Variants in KIAA1614 observed in about 807,000 individuals in gnomAD.
KIAA1614 encodes the protein KIAA1614, also known as uncharacterized protein KIAA1614.
In KIAA1614, 76 loss-of-function variants were observed where a neutral mutation model predicts 88.7. The ratio of observed to expected loss-of-function variants is 0.86; its 90% CI spans 0.71 to 1.04. KIAA1614 has a LOEUF of 1.04. KIAA1614 is among the 50% of genes least tolerant of loss of function. KIAA1614 has a pLI of 0.00. For missense variants in KIAA1614, 1,553 were observed against 1,582.5 expected, an observed-to-expected ratio of 0.98 and a Z score of 0.32; for synonymous variants, 714 against 675.5, an observed-to-expected ratio of 1.06 and a Z score of -0.88.
intron 6 of KIAA1614, 136 bp from the exon 7 acceptor site, chr1:180,940,909 T>G (rs1654444768): frequency 1.3e-6 from 1 of 747,022 alleles, no homozygotes; most frequent in Non-Finnish European, 2.2e-6. Context: ...AGCCTGGTTG[T>G]TAGTTCCTGG....
intron 3 of KIAA1614, among the ~76,000 whole-genome samples, chr1:180,922,727 C>A (rs1653983740): frequency 6.6e-6 from 1 of 152,216 alleles, no homozygotes; most frequent in African/African-American, 2.4e-5. Context: ...CCTCAAGCCA[C>A]CAGAGCGTGT....
chr1:180,928,725 A>G (rs952416347), intron 4 of KIAA1614, 152 bp downstream of exon 4: 5 of 886,426 alleles, frequency 5.6e-6, no homozygotes, highest in African/African-American at 5.2e-5. Flanking sequence ...TGCTTTGATT[A>G]TTTAGTCAGT....
intron 5 of KIAA1614, among the ~76,000 whole-genome samples, chr1:180,937,095 T>C (rs1292585639): frequency 6.6e-6 from 1 of 152,278 alleles, no homozygotes; most frequent in Admixed American, 6.5e-5. Context: ...GAACAGTAGA[T>C]GTCCACTAAT....
rs1654579148 is a variant in KIAA1614 at position 180,945,841 on chromosome 1, A to G, written c.*253A>G. The G allele has an allele frequency of 8.0e-6, 10 of 1,254,524 alleles. No homozygotes were observed. Among genetic ancestry groups the G allele is most frequent in the Middle Eastern group, 3.0e-4 (1 of 3,292 alleles). 77.7% of individuals were successfully genotyped at this position (1,254,524 alleles called of 1,614,324 possible). A position where few individuals can be genotyped will look rare whatever the true frequency, so the allele number is the denominator to read the frequency against. ...AAGCTTAGGCCGGGCGCAGTGGCTC[A>G]TGCCTGTAATCCCAGAACTTTGGGA... is the stretch of plus-strand genomic sequence containing the variant. On this transcript the variant is annotated 3_prime_UTR_variant, in exon 9 of 9. Coordinates refer to ENST00000367588, the MANE Select transcript of KIAA1614 (RefSeq NM_020950.2).
At position 180,945,556 on chromosome 1, in the gene KIAA1614, C is replaced by G; in HGVS notation, c.3541C>G (p.Leu1181Val). ...TAGCAAACAAGGCAGGGCCTTCTGG[C>G]TGTGGTCAGAGGCTTTTCTGGTCTT... Reference protein sequence around the residue: ...GLSKQGRAFWLWSEAFLVFG With the variant: ...GLSKQGRAFWVWSEAFLVFG Residue 1181 changes from leucine (L) to valine (V), a missense_variant, in exon 9 of 9, where the codon CTG (leucine) becomes GTG (valine). Leu to Val is a conservative substitution (Grantham distance 32). Coordinates refer to ENST00000367588, the MANE Select transcript of KIAA1614 (RefSeq NM_020950.2). 1 of 1,613,376 alleles carries G rather than the reference C, an allele frequency of 6.2e-7. No individual in the cohort carries two copies. The highest frequency in any genetic ancestry group is 8.5e-7 in the Non-Finnish European group (1 of 1,179,868).
chr1:180,938,574 T>A lies in KIAA1614; in HGVS notation c.2781T>A (p.Leu927=). ...NSRDGGPQGF[L]GSADVATINS... ...TTTCAGGAGGACCCCAGGGCTTTCT[T>A]GGCTCAGCAGATGTTGCCACCATCA... Residue 927 remains leucine, a synonymous_variant, in exon 6 of 9, where the codon CTT becomes CTA. Coordinates refer to ENST00000367588, the MANE Select transcript of KIAA1614 (RefSeq NM_020950.2). The A allele has an allele frequency of 6.2e-7, 1 of 1,614,090 alleles. No individual in the cohort carries two copies. The highest frequency in any genetic ancestry group is 1.1e-5 in the South Asian group (1 of 91,074).
In KIAA1614 at chr1:180,913,257, A is replaced by G; in HGVS notation, c.14A>G (p.Glu5Gly). The G allele has an allele frequency of 7.9e-7, 1 of 1,261,696 alleles. No homozygotes were observed. Among genetic ancestry groups the G allele is most frequent in the Non-Finnish European group, 1.0e-6 (1 of 997,708 alleles). The allele number at this position is 1,261,696 out of a possible 1,614,324, so 78.2% of individuals were successfully genotyped here. A position where few individuals can be genotyped will look rare whatever the true frequency, so the allele number is the denominator to read the frequency against. The change falls in exon 1 of 9, where the codon GAG (glutamate) becomes GGG (glycine). Residue 5 changes from glutamate (E) to glycine (G), a missense_variant. Coordinates refer to ENST00000367588, the MANE Select transcript of KIAA1614 (RefSeq NM_020950.2). ...CCTCTCCGAGGGATGGAGGGGACAGAGGCGGCGGCGGCCAAACCCGCGGGC... is the reference window on the plus strand; with the variant it reads ...CCTCTCCGAGGGATGGAGGGGACAGGGGCGGCGGCGGCCAAACCCGCGGGC... MEGT[E>G]AAAAKPAGGS...
At chr1:180,931,712 C>T (rs958737247) in intron 4 of KIAA1614, among the ~76,000 whole-genome samples, 2 of 152,228 alleles carry the variant, frequency 1.3e-5, no homozygotes, top group Non-Finnish European at 2.9e-5. Flanking sequence ...GCTCAATTCA[C>T]CACCCTGTGT....
Position 180,916,218 on chromosome 1 carries a change from G to T in KIAA1614, c.115G>T (p.Gly39Cys). The change falls in exon 2 of 9, where the codon GGT becomes TGT. Residue 39 changes from glycine to cysteine, a missense_variant. By Grantham distance (159) the Gly-to-Cys change is radical. Coordinates refer to ENST00000367588, the MANE Select transcript of KIAA1614 (RefSeq NM_020950.2). ...GGGGACCTCAGCTGTGGAGTGGAGTGGTCCTGAGCCACAGCTGGATAACGG... is the reference window on the plus strand; with the variant it reads ...GGGGACCTCAGCTGTGGAGTGGAGTTGTCCTGAGCCACAGCTGGATAACGG... ...VEGTSAVEWS[G>C]PEPQLDNGHP... The T allele has an allele frequency of 6.2e-7, 1 of 1,612,492 alleles. No homozygotes were observed. Among genetic ancestry groups the T allele is most frequent in the Non-Finnish European group, 8.5e-7 (1 of 1,179,538 alleles).
rs746568786 is a variant in KIAA1614, at chr1:180,938,706, G to T, written c.2913G>T (p.Leu971=). 1.8e-5 allele frequency: 29 copies of T among 1,613,518 alleles called. No homozygotes were observed. Among genetic ancestry groups the T allele is most frequent in the South Asian group, 1.5e-4 (14 of 90,930 alleles). Residue 971 remains leucine, a synonymous_variant, in exon 6 of 9, where the codon CTG becomes CTT. Coordinates refer to ENST00000367588, the MANE Select transcript of KIAA1614 (RefSeq NM_020950.2). ...GGTCAGGATCTGGAGGACATGTGCT[G>T]TCAAGGTGAGTGACAGGAGAAAGAG... ...RTGSGSGGHV[L]SRASAGAGTG...
rs1019037902 is a variant in KIAA1614, at chr1:180,928,445, C to T, written c.1077C>T (p.Asn359=). ...CACGCTGCAGGACCGTTGGTCCCAACCCGGAGCCTGTGCTGAGCCCCAGGC... is the reference window on the plus strand; with the variant it reads ...CACGCTGCAGGACCGTTGGTCCCAATCCGGAGCCTGTGCTGAGCCCCAGGC... The part of the protein sequence containing the change: ...DSGQNRTVGP[N]PEPVLSPRHE... Residue 359 remains asparagine (N), a synonymous_variant, in exon 4 of 9, where the codon AAC becomes AAT. Transcript: ENST00000367588. The T allele has an allele frequency of 2.5e-6, 4 of 1,612,824 alleles. No individual in the cohort carries two copies. In the African/African-American group the frequency reaches 4.0e-5, roughly 16 times the overall value.
At chr1:180,938,780 A>C (rs1571299358) in intron 6 of KIAA1614, 69 bp downstream of exon 6, 2 of 1,481,008 alleles carry the variant, frequency 1.4e-6, no homozygotes, top group Admixed American at 1.8e-5. Flanking sequence ...GGGGACAGAG[A>C]CCCCCTGGAG....
rs745809006 is a variant in KIAA1614, at chr1:180,928,666, TGC to T, written c.1205+94_1205+95del. On this transcript the variant is annotated intron_variant, in intron 4 of 8. Coordinates refer to ENST00000367588, the MANE Select transcript of KIAA1614 (RefSeq NM_020950.2). ...GTGGGATCTAGCCAAATGCTGCTGC[TGC>T]TCGCTCCATGTGTGTGTGTGTCTGT... The T allele has an allele frequency of 3.3e-3, 4,570 of 1,368,062 alleles. 22 individuals carry two copies. The highest frequency in any genetic ancestry group is 4.1e-3 in the Admixed American group (189 of 46,600). 84.7% of individuals were successfully genotyped at this position (1,368,062 alleles called of 1,614,324 possible).
Position 180,917,010 on chromosome 1 carries a change from T to C in KIAA1614, c.907T>C (p.Leu303=), listed in dbSNP as rs1210538382. 3 of 1,614,000 alleles carry C rather than the reference T, an allele frequency of 1.9e-6. No individual in the cohort carries two copies. Among genetic ancestry groups the C allele is most frequent in the Non-Finnish European group, 2.5e-6 (3 of 1,180,038 alleles). ...LSDRVERNRL[L]LQEMLNVSGQ... The stretch of plus-strand genomic sequence containing the variant: ...TGATCGGGTGGAGAGAAACCGCCTG[T>C]TGCTGCAGGAGATGCTCAACGTTTC... Residue 303 remains leucine (L), a synonymous_variant, in exon 2 of 9, where the codon TTG becomes CTG. Transcript: ENST00000367588.
intron 2 of KIAA1614, among the ~76,000 whole-genome samples, chr1:180,917,551 T>C (rs575420011): frequency 1.3e-5 from 2 of 152,126 alleles, no homozygotes; most frequent in East Asian, 3.9e-4. Flanking sequence ...ACCAATGGGA[T>C]GTACAAGTGT....
intron 3 of KIAA1614, among the ~76,000 whole-genome samples, chr1:180,924,565 A>T: frequency 6.6e-6 from 1 of 151,550 alleles, no homozygotes; most frequent in East Asian, 1.9e-4. Flanking sequence ...AAGGACTCCC[A>T]CTCCTCCTTC....
Position 180,945,757 on chromosome 1 carries a change from T to C in KIAA1614, c.*169T>C, listed in dbSNP as rs1453251829. The C allele has an allele frequency of 1.0e-5, 14 of 1,365,206 alleles. No individual in the cohort carries two copies. The highest frequency in any genetic ancestry group is 2.7e-4 in the Middle Eastern group (1 of 3,768). The allele number at this position is 1,365,206 out of a possible 1,614,324, so 84.6% of individuals were successfully genotyped here. A position where few individuals can be genotyped will look rare whatever the true frequency, so the allele number is the denominator to read the frequency against. On this transcript the variant is annotated 3_prime_UTR_variant, in exon 9 of 9. Coordinates refer to ENST00000367588, the MANE Select transcript of KIAA1614 (RefSeq NM_020950.2). Reference sequence around the variant, plus strand: ...TTGGTGGGGAGTGTGCGGGAGGGGGTAGAGTTGGCAGGTTTGACTCCACTG... The same window carrying C: ...TTGGTGGGGAGTGTGCGGGAGGGGGCAGAGTTGGCAGGTTTGACTCCACTG...
chr1:180,935,970 T>C lies in KIAA1614; in HGVS notation c.2061T>C (p.Asn687=), dbSNP rs775548600. 1 of 1,613,738 alleles carries C rather than the reference T, an allele frequency of 6.2e-7. No homozygotes were observed. Among genetic ancestry groups the C allele is most frequent in the Non-Finnish European group, 8.5e-7 (1 of 1,179,862 alleles). The change falls in exon 5 of 9, where the codon AAT becomes AAC. Residue 687 remains asparagine, a synonymous_variant. Coordinates refer to ENST00000367588, the MANE Select transcript of KIAA1614 (RefSeq NM_020950.2). The surrounding 1 kb of genome is among the most constrained non-coding windows in gnomAD (Gnocchi z 6.1). Reference sequence around the variant, plus strand: ...GGGCTGATGATGTGGAGGTGGAAAATGAGGTGAAAGAGGGCAGAGGACACA... The same window carrying C: ...GGGCTGATGATGTGGAGGTGGAAAACGAGGTGAAAGAGGGCAGAGGACACA... The part of the protein sequence containing the change: ...LPRADDVEVE[N]EVKEGRGHTP...
At chr1:180,917,299 T>G (rs1315168642) in intron 2 of KIAA1614, among the ~76,000 whole-genome samples, 199 bp downstream of exon 2, 1 of 152,192 alleles carries the variant, frequency 6.6e-6, no homozygotes. Flanking sequence ...AGGCAGCCTG[T>G]CTGCCGAAGC....
Sources: gnomAD v4.1 joint callset for allele counts (sites outside exome capture counted in the v4.1 genomes callset) on GRCh38, gnomAD v4.1.1 for gene constraint, Gnocchi (gnomAD v3.1) non-coding constraint, MANE v1.5 for transcripts, NCBI Gene and HGNC (gene_info 2026-07-23, HGNC 2026-07-21) for gene names.